The following DKK2 variants were observed in gnomAD, a reference collection of about 807,000 sequenced individuals.
DKK2 encodes the protein dickkopf-related protein 2.
In DKK2, 11 loss-of-function variants were observed where a neutral mutation model predicts 28.1. The observed-to-expected ratio is 0.39, with a 90% CI of 0.25 to 0.65. DKK2 has a LOEUF of 0.65. Ranked by LOEUF, DKK2 falls within the 30% of genes least tolerant of loss-of-function variation. DKK2 has a pLI of 0.47. For synonymous variants in DKK2, 135 were observed against 126.5 expected (o/e 1.07, Z -0.45); for missense variants, 326 against 335.5 (o/e 0.97, Z 0.22).
intron 1 of DKK2, 114 bp from the exon 2 acceptor site, chr4:106,926,063 G>A (rs1724422217): frequency 8.7e-7 from 1 of 1,145,986 alleles, no homozygotes; most frequent in East Asian, 2.6e-5. Flanking sequence ...TCACCCGGAA[G>A]GAACTATACC....
intron 1 of DKK2, among the ~76,000 whole-genome samples, chr4:106,968,147 CAA>C (rs5860839): frequency 6.7e-6 from 1 of 148,264 alleles, no homozygotes; most frequent in East Asian, 2.0e-4. Context: ...AAGGAAGAGA[CAA>C]AAAAAAGGAT....
intron 1 of DKK2, among the ~76,000 whole-genome samples, chr4:107,032,966 C>T (rs763809598): frequency 1.3e-5 from 2 of 150,728 alleles, no homozygotes; most frequent in East Asian, 3.8e-4. Context: ...ATGTTGGTGA[C>T]CACATAACTA....
In DKK2 at chr4:106,980,597, T is replaced by C. The variant is rs1045027162; in HGVS notation, c.223-54648A>G. Among the ~76,000 whole-genome samples the C allele has an allele frequency of 6.6e-5, 10 of 152,280 alleles. 1 individual carries two copies. Among genetic ancestry groups the C allele is most frequent in the Admixed American group, 5.9e-4 (9 of 15,288 alleles). ...TTTGTTTGTTTGTTTTGGATGTAAGTAATACAATTTTTCTATACTGGATGA... is the reference window on the plus strand; with the variant it reads ...TTTGTTTGTTTGTTTTGGATGTAAGCAATACAATTTTTCTATACTGGATGA... On this transcript the variant is annotated intron_variant, in intron 1 of 3. Transcript: ENST00000285311.
At chr4:106,984,922 G>A (rs1723093382) in intron 1 of DKK2, among the ~76,000 whole-genome samples, 1 of 152,092 alleles carries the variant, frequency 6.6e-6, no homozygotes, top group Admixed American at 6.6e-5. Flanking sequence ...AAAAGATTAT[G>A]GGCTGGGCCG....
chr4:106,979,812 G>C (rs1244098492), intron 1 of DKK2, among the ~76,000 whole-genome samples: 3 of 152,198 alleles, frequency 2.0e-5, no homozygotes, highest in South Asian at 2.1e-4. Context: ...TGCAGTTTCT[G>C]TCTTTTCTCA....
chr4:106,982,599 G>A (rs1251821099), intron 1 of DKK2, among the ~76,000 whole-genome samples: 1 of 151,870 alleles, frequency 6.6e-6, no homozygotes, highest in African/African-American at 2.4e-5. Flanking sequence ...TGGTAAATAT[G>A]TAAGAAAATA....
intron 1 of DKK2, among the ~76,000 whole-genome samples, chr4:106,970,035 T>G (rs1419587369): frequency 2.6e-5 from 4 of 152,150 alleles, no homozygotes; most frequent in Non-Finnish European, 5.9e-5. Context: ...AACATGTATT[T>G]CAAGCTTGGA....
At position 106,954,229 on chromosome 4, in the gene DKK2, A is replaced by T. The variant is rs141106308; in HGVS notation, c.223-28280T>A. 4.4e-3 allele frequency among the ~76,000 whole-genome samples: 674 copies of T among 152,320 alleles called. 5 individuals carry two copies. Among genetic ancestry groups the T allele is most frequent in the African/African-American group, 0.016 (648 of 41,564 alleles). On this transcript the variant is annotated intron_variant, in intron 1 of 3. Transcript: ENST00000285311. The stretch of plus-strand genomic sequence containing the variant: ...TTACACTTTTGGAAAATGTATTTAA[A>T]AGGCAAGCTATTATCTAAAAGTTCT...
chr4:106,931,230 T>C (rs1560574089), intron 1 of DKK2, among the ~76,000 whole-genome samples: 1 of 152,138 alleles, frequency 6.6e-6, no homozygotes, highest in Non-Finnish European at 1.5e-5. Flanking sequence ...ATATTAAATT[T>C]AAGGGGAAAA....
In DKK2 at chr4:106,923,900, T is replaced by A; in HGVS notation, c.*54A>T. ...AACCTTATTTTCCACCATGCTATAA[T>A]GCATTAAATACACAACTTCACAGTC... On this transcript the variant is annotated 3_prime_UTR_variant, in exon 4 of 4. Transcript: ENST00000285311. 6.3e-7 allele frequency: 1 copy of A among 1,597,508 alleles called. No homozygotes were observed. Among genetic ancestry groups the A allele is most frequent in the Non-Finnish European group, 8.6e-7 (1 of 1,167,730 alleles).
intron 1 of DKK2, among the ~76,000 whole-genome samples, chr4:106,958,094 A>G (rs1007147946): frequency 8.0e-5 from 12 of 150,582 alleles, no homozygotes; most frequent in Admixed American, 1.3e-4. Context: ...TGACCTACAA[A>G]AGAAATGATT....
At chr4:107,004,803 A>C (rs1723413077) in intron 1 of DKK2, among the ~76,000 whole-genome samples, 1 of 152,158 alleles carries the variant, frequency 6.6e-6, no homozygotes, top group Non-Finnish European at 1.5e-5. Context: ...AAAACTGGAG[A>C]AGCTTTCCAG....
At chr4:106,992,893 T>C (rs993599552) in intron 1 of DKK2, among the ~76,000 whole-genome samples, 1 of 152,228 alleles carries the variant, frequency 6.6e-6, no homozygotes. Context: ...CATAGATGTC[T>C]AACTGGGACC....
chr4:106,981,527 T>G (rs952888256), intron 1 of DKK2, among the ~76,000 whole-genome samples: 12 of 152,166 alleles, frequency 7.9e-5, no homozygotes, highest in Non-Finnish European at 8.8e-5. Flanking sequence ...CCTTCATATT[T>G]GAATTTCCCC....
At chr4:107,002,314 G>A (rs1723371318) in intron 1 of DKK2, among the ~76,000 whole-genome samples, 1 of 152,158 alleles carries the variant, frequency 6.6e-6, no homozygotes, top group South Asian at 2.1e-4. Context: ...TTGATGATGT[G>A]TGGCTATATA....
intron 1 of DKK2, among the ~76,000 whole-genome samples, chr4:107,015,376 T>G (rs1418523713): frequency 2.6e-5 from 4 of 151,598 alleles, no homozygotes; most frequent in African/African-American, 9.7e-5. Flanking sequence ...CTCCATGTAT[T>G]TTACCCATTT....
intron 1 of DKK2, among the ~76,000 whole-genome samples, chr4:106,953,493 A>G (rs766910080): frequency 7.9e-5 from 12 of 152,190 alleles, no homozygotes; most frequent in Non-Finnish European, 1.3e-4. Flanking sequence ...AGGGGAGCAA[A>G]GAAGGCTTTA....
At chr4:106,955,185 T>A (rs1227964317) in intron 1 of DKK2, among the ~76,000 whole-genome samples, 3 of 152,198 alleles carry the variant, frequency 2.0e-5, no homozygotes, top group Non-Finnish European at 2.9e-5. Context: ...TTTTATTTTT[T>A]CTTTTAATGT....
intron 1 of DKK2, among the ~76,000 whole-genome samples, chr4:107,012,991 A>G (rs984489267): frequency 3.3e-5 from 5 of 150,994 alleles, no homozygotes; most frequent in Non-Finnish European, 5.9e-5. Context: ...ATTATCAACC[A>G]CAAGAGTGAA....
Sources: gnomAD v4.1 joint callset for allele counts (sites outside exome capture counted in the v4.1 genomes callset) on GRCh38, gnomAD v4.1.1 for gene constraint, MANE v1.5 for transcripts, NCBI Gene and HGNC (gene_info 2026-07-23, HGNC 2026-07-21) for gene names.